ERBIN: variants seen among roughly 807,000 people sequenced by gnomAD.
ERBIN encodes the protein densin-180-like protein.
Under a neutral mutation model 158.4 loss-of-function variants are expected in ERBIN, and 60 were observed. The ratio of observed to expected loss-of-function variants is 0.38; its 90% confidence interval spans 0.31 to 0.47. The LOEUF (loss-of-function observed/expected upper bound fraction) is 0.47, where lower values mean the gene tolerates loss of function less well. Ranked by LOEUF, ERBIN falls within the 20% of genes least tolerant of loss-of-function variation. The pLI is 0.99. For missense variants in ERBIN, 1,610 were observed against 1,648.0 expected (o/e 0.98, Z 0.40); for synonymous variants, 594 against 557.2 (o/e 1.07, Z -0.93).
chr5:66,048,771 TAAC>T lies in ERBIN; in HGVS notation c.1896_1898del (p.Asn632del), dbSNP rs747429831. On this transcript the variant is annotated inframe_deletion, in exon 19 of 26. Transcript: ENST00000284037. ...AGCCAAAAGTCGTAGCACTTAGTAA[TAAC>T]AAAAAAGGTTAGATGTTAAAGGAAA... 23 of 1,584,538 alleles carry T rather than the reference TAAC, an allele frequency of 1.5e-5. No individual in the cohort carries two copies. The highest frequency in any genetic ancestry group is 3.3e-4 in the Middle Eastern group (2 of 5,988).
At chr5:65,950,832 A>T (rs908817385) in intron 1 of ERBIN, among the ~76,000 whole-genome samples, 5 of 151,818 alleles carry the variant, frequency 3.3e-5, no homozygotes, top group African/African-American at 1.2e-4. Flanking sequence ...TTTAAGGGGT[A>T]TGTCATTGGC....
chr5:66,021,217 C>T (rs922928693), intron 7 of ERBIN, 105 bp from the exon 8 acceptor site: 9 of 571,946 alleles, frequency 1.6e-5, no homozygotes, highest in Non-Finnish European at 2.4e-5. Flanking sequence ...CATGTGAAAG[C>T]CCATAAATAA....
In ERBIN at chr5:66,078,924, C is replaced by T. The variant is rs1762248612; in HGVS notation, c.*394C>T. The T allele has an allele frequency of 5.9e-6, 1 of 168,938 alleles. No homozygotes were observed. The highest frequency in any genetic ancestry group is 1.3e-5 in the Non-Finnish European group (1 of 78,992). The allele number at this position is 168,938 out of a possible 1,614,324, so 10.5% of individuals were successfully genotyped here. On this transcript the variant is annotated 3_prime_UTR_variant, in exon 26 of 26. Transcript: ENST00000284037. ...GCTATCTCTCTCATAGCTTTTATGC[C>T]CTTATTTTTATTCAACTGGTATTAA...
chr5:66,008,724 T>G (rs540784173), intron 4 of ERBIN, among the ~76,000 whole-genome samples: 3 of 152,288 alleles, frequency 2.0e-5, no homozygotes, highest in African/African-American at 7.2e-5. Flanking sequence ...TAACAACCAA[T>G]AAAGATGAGA....
intron 25 of ERBIN, 37 bp from the exon 26 acceptor site, chr5:66,078,386 T>C (rs1431583029): frequency 3.9e-6 from 5 of 1,266,580 alleles, no homozygotes; most frequent in East Asian, 2.4e-5. Context: ...TAAATAACTA[T>C]AAAATGTTTT....
rs1303614565 is a variant in ERBIN, at chr5:66,080,982, A to G, written c.*2452A>G. 2 of 152,054 alleles carry G rather than the reference A, an allele frequency of 1.3e-5. No homozygotes were observed. The highest frequency in any genetic ancestry group is 6.5e-5 in the Admixed American group (1 of 15,268). The allele number at this position is 152,054 out of a possible 1,614,324, so 9.4% of individuals were successfully genotyped here. On this transcript the variant is annotated 3_prime_UTR_variant, in exon 26 of 26. Transcript: ENST00000284037. ...CTTTGAATTAGAATTTTGCTGTAAT[A>G]AAGTTTCAAAATTTGAATAAAATAA...
intron 20 of ERBIN, among the ~76,000 whole-genome samples, chr5:66,051,894 C>A (rs1234588281): frequency 5.7e-4 from 79 of 138,762 alleles, no homozygotes; most frequent in Non-Finnish European, 4.7e-4. Flanking sequence ...GGCCTTGTCT[C>A]AAAAAAAAAA....
chr5:66,041,384 G>A (rs1345291294), intron 15 of ERBIN, among the ~76,000 whole-genome samples: 1 of 151,906 alleles, frequency 6.6e-6, no homozygotes. Context: ...GGGGTGGTGG[G>A]CTTATCATCC....
At chr5:65,964,165 G>T (rs1748265857) in intron 1 of ERBIN, among the ~76,000 whole-genome samples, 1 of 152,182 alleles carries the variant, frequency 6.6e-6, no homozygotes, top group Non-Finnish European at 1.5e-5. Context: ...ATGGATTTAG[G>T]TGAAGGTTAA....
At chr5:66,024,252 T>G (rs1464221915) in intron 9 of ERBIN, 54 bp from the exon 10 acceptor site, 1 of 1,240,656 alleles carries the variant, frequency 8.1e-7, no homozygotes, top group Admixed American at 2.6e-5. Context: ...CCCTAAACTT[T>G]TTACAAATTA....
At chr5:66,062,269 C>G (rs1298019121) in intron 21 of ERBIN, among the ~76,000 whole-genome samples, 4 of 152,150 alleles carry the variant, frequency 2.6e-5, no homozygotes, top group Non-Finnish European at 5.9e-5. Flanking sequence ...CTAAACTTCT[C>G]TTCACGCTTC....
intron 1 of ERBIN, among the ~76,000 whole-genome samples, chr5:65,956,484 C>T (rs1747149394): frequency 6.7e-6 from 1 of 149,218 alleles, no homozygotes; most frequent in Non-Finnish European, 1.5e-5. Flanking sequence ...TCAAGCGATT[C>T]ACCCACCTCA....
intron 13 of ERBIN, among the ~76,000 whole-genome samples, chr5:66,027,559 TTCCCATTG>T (rs1165046343): frequency 6.6e-6 from 1 of 152,036 alleles, no homozygotes; most frequent in African/African-American, 2.4e-5. Context: ...TGTACCAACT[TTCCCATTG>T]TTATTCCCTA....
At chr5:65,937,357 A>C (rs1744210544) in intron 1 of ERBIN, among the ~76,000 whole-genome samples, 1 of 152,168 alleles carries the variant, frequency 6.6e-6, no homozygotes, top group African/African-American at 2.4e-5. Context: ...ATGCTCCCCA[A>C]ATTTCTAACT....
intron 4 of ERBIN, among the ~76,000 whole-genome samples, chr5:66,008,695 A>G (rs938471580): frequency 2.0e-5 from 3 of 152,172 alleles, no homozygotes; most frequent in African/African-American, 7.2e-5. Context: ...GCTATTTCGA[A>G]ATACTGTATA....
Position 65,936,521 on chromosome 5 carries a change from AG to A in ERBIN, c.-58+9718del, listed in dbSNP as rs1310433485. Among the ~76,000 whole-genome samples the A allele has an allele frequency of 2.0e-5, 3 of 152,280 alleles. No individual in the cohort carries two copies. In the South Asian group the frequency reaches 6.2e-4, roughly 32 times the overall value. On this transcript the variant is annotated intron_variant, in intron 1 of 25. Coordinates refer to ENST00000284037, the MANE Select transcript of ERBIN (RefSeq NM_001253697.2). ...TGTCGTGGATACCTGGTATCAACAG[AG>A]GGTCCTGTCTGCTCTTTTAAAAGCC... is the stretch of plus-strand genomic sequence containing the variant.
chr5:65,983,044 A>G (rs1243577413), intron 1 of ERBIN, among the ~76,000 whole-genome samples: 1 of 152,216 alleles, frequency 6.6e-6, no homozygotes, highest in African/African-American at 2.4e-5. Context: ...TTGTATCTAA[A>G]AATATAAAAA....
At chr5:66,075,457 A>G (rs1337321084) in intron 23 of ERBIN, among the ~76,000 whole-genome samples, 3 of 152,164 alleles carry the variant, frequency 2.0e-5, no homozygotes, top group Non-Finnish European at 4.4e-5. Context: ...TTATTCTGAT[A>G]CAGTTTCTTT....
At position 65,940,727 on chromosome 5, in the gene ERBIN, G is replaced by C. The variant is rs1409100618; in HGVS notation, c.-58+13921G>C. Among the ~76,000 whole-genome samples, 3 of 147,254 alleles carry C rather than the reference G, an allele frequency of 2.0e-5. No individual in the cohort carries two copies. The South Asian group carries it at 6.5e-4, about 32-fold the overall frequency. ...AGCCCCCCGCCCGGCCAGCCGCCCC[G>C]TCCGGGAGGTGAGGGGCGCCTCTGC... On this transcript the variant is annotated intron_variant, in intron 1 of 25. Coordinates refer to ENST00000284037, the MANE Select transcript of ERBIN (RefSeq NM_001253697.2).
Sources: allele counts gnomAD v4.1 joint callset (sites outside exome capture counted in the v4.1 genomes callset), GRCh38; gene constraint gnomAD v4.1.1; transcripts MANE v1.5; gene names NCBI Gene and HGNC (gene_info 2026-07-23, HGNC 2026-07-21).